Variants in CNTN3 observed in about 807,000 individuals in gnomAD.
CNTN3 encodes the protein contactin-3.
A neutral mutation model predicts 119.1 loss-of-function variants in CNTN3; 60 were observed. The observed-to-expected ratio is 0.50, with a 90% confidence interval of 0.41 to 0.62. The LOEUF is 0.62. Among genes scored for constraint, CNTN3 ranks in the 20% least tolerant of loss-of-function variants. The pLI, the probability that CNTN3 is intolerant of heterozygous loss-of-function variation, is 0.00. For synonymous variants in CNTN3, 450 were observed against 438.7 expected (o/e 1.03, Z -0.32); for missense variants, 1,101 against 1,242.4 (o/e 0.89, Z 1.71).
At position 74,594,450 on chromosome 3, in the gene CNTN3, C is replaced by T. The variant is rs552669134; in HGVS notation, c.-81+19941G>A. ...TAATGCTATCCCTCCCCTCTCCCCC[C>T]ACCCCACAACACTCCCCAGAGTGTG... On this transcript the variant is annotated intron_variant, in intron 1 of 22. Coordinates refer to ENST00000263665, the MANE Select transcript of CNTN3 (RefSeq NM_020872.3). Among the ~76,000 whole-genome samples, 384 of 151,924 alleles carry T rather than the reference C, an allele frequency of 2.5e-3. 1 individual carries two copies. The highest frequency in any genetic ancestry group is 8.8e-3 in the African/African-American group (364 of 41,408).
chr3:74,396,296 G>C (rs954356244), intron 5 of CNTN3, among the ~76,000 whole-genome samples: 8 of 152,178 alleles, frequency 5.3e-5, no homozygotes, highest in Non-Finnish European at 8.8e-5. Context: ...ACTAAGTAGT[G>C]AATGCAGAAG....
intron 1 of CNTN3, among the ~76,000 whole-genome samples, chr3:74,575,137 C>T (rs954982383): frequency 6.6e-6 from 1 of 151,994 alleles, no homozygotes; most frequent in Admixed American, 6.6e-5. Flanking sequence ...GTTGCCCAAG[C>T]TGGTCTTGAA....
Position 74,383,348 on chromosome 3 carries a change from C to T in CNTN3, c.455-11949G>A, listed in dbSNP as rs140757982. On this transcript the variant is annotated intron_variant, in intron 5 of 22. Coordinates refer to ENST00000263665, the MANE Select transcript of CNTN3 (RefSeq NM_020872.3). Reference sequence around the variant, plus strand: ...AGCACACCATTTTAAGTAATAGATGCGTGTTGAATGGGTCAATAAAGGTAA... The same window carrying T: ...AGCACACCATTTTAAGTAATAGATGTGTGTTGAATGGGTCAATAAAGGTAA... 4.1e-3 allele frequency among the ~76,000 whole-genome samples: 617 copies of T among 152,114 alleles called. 3 individuals are homozygous for T. The highest frequency in any genetic ancestry group is 6.5e-3 in the Non-Finnish European group (440 of 68,000).
chr3:74,430,430 T>TA (rs1701764128), intron 4 of CNTN3, among the ~76,000 whole-genome samples: 1 of 152,142 alleles, frequency 6.6e-6, no homozygotes, highest in East Asian at 1.9e-4. Flanking sequence ...TGTAAAACTT[T>TA]AAAAAATTCA....
At chr3:74,502,614 C>G (rs1039463436) in intron 2 of CNTN3, among the ~76,000 whole-genome samples, 4 of 152,136 alleles carry the variant, frequency 2.6e-5, no homozygotes, top group Non-Finnish European at 5.9e-5. Context: ...TCTCTGAGGT[C>G]CAGCCACACT....
chr3:74,321,136 G>T (rs1702978443), intron 13 of CNTN3, among the ~76,000 whole-genome samples: 1 of 152,066 alleles, frequency 6.6e-6, no homozygotes, highest in Non-Finnish European at 1.5e-5. Flanking sequence ...ATACAAGAGG[G>T]AGGAGGACTG....
At chr3:74,451,235 G>A (rs144679709) in intron 4 of CNTN3, among the ~76,000 whole-genome samples, 2,734 of 152,174 alleles carry the variant, frequency 0.018, 78 homozygotes, top group African/African-American at 0.06. Flanking sequence ...ATCCCATTGC[G>A]GTTTTGATTT....
chr3:74,314,495 A>G lies in CNTN3; in HGVS notation c.1669-11688T>C, dbSNP rs544487278. On this transcript the variant is annotated intron_variant, in intron 13 of 22. Transcript: ENST00000263665. ...ATGATTGTACTAATCAAAAGACAGC[A>G]GGAGTAGCTATATTAATTTCAAATA... Among the ~76,000 whole-genome samples the G allele has an allele frequency of 2.0e-5, 3 of 152,338 alleles. No individual in the cohort carries two copies. In the East Asian group the frequency reaches 5.8e-4, roughly 29 times the overall value.
At chr3:74,371,031 AT>A in intron 6 of CNTN3, among the ~76,000 whole-genome samples, 164 bp downstream of exon 6, 1 of 152,312 alleles carries the variant, frequency 6.6e-6, no homozygotes, top group South Asian at 2.1e-4. Flanking sequence ...CATAAGGACT[AT>A]GAGTTATCAA....
At chr3:74,594,688 G>T (rs1258279493) in intron 1 of CNTN3, among the ~76,000 whole-genome samples, 2,558 of 151,292 alleles carry the variant, frequency 0.017, 69 homozygotes, top group African/African-American at 0.058. Context: ...TCTTAATCCA[G>T]TCTATCATTG....
At chr3:74,599,478 G>C (rs1704872417) in intron 1 of CNTN3, among the ~76,000 whole-genome samples, 1 of 152,046 alleles carries the variant, frequency 6.6e-6, no homozygotes, top group African/African-American at 2.4e-5. Context: ...GGGGGCCAGG[G>C]ATAGTTTGGA....
At chr3:74,560,223 C>G (rs148833294) in intron 1 of CNTN3, among the ~76,000 whole-genome samples, 2 of 152,234 alleles carry the variant, frequency 1.3e-5, no homozygotes, top group African/African-American at 4.8e-5. Flanking sequence ...ATAACAATGG[C>G]ACACACCTCT....
chr3:74,566,846 T>C (rs1704233070), intron 1 of CNTN3, among the ~76,000 whole-genome samples: 1 of 152,176 alleles, frequency 6.6e-6, no homozygotes. Context: ...AGCTGTGGCA[T>C]TCCATACAGG....
chr3:74,346,685 T>C (rs547532437), intron 11 of CNTN3, among the ~76,000 whole-genome samples: 3 of 152,120 alleles, frequency 2.0e-5, no homozygotes, highest in Admixed American at 1.3e-4. Context: ...AATCTGTATT[T>C]TCCACAGAAG....
At chr3:74,480,225 T>C (rs555059710) in intron 4 of CNTN3, among the ~76,000 whole-genome samples, 83 of 152,080 alleles carry the variant, frequency 5.5e-4, no homozygotes, top group Non-Finnish European at 9.1e-4. Flanking sequence ...AGGCCAAAAT[T>C]TGTATCCTCT....
chr3:74,430,211 G>A (rs1701760549), intron 4 of CNTN3, among the ~76,000 whole-genome samples: 1 of 152,144 alleles, frequency 6.6e-6, no homozygotes, highest in African/African-American at 2.4e-5. Context: ...AGAGTTTTAT[G>A]TCTAACAGCC....
chr3:74,372,328 T>C (rs1229008013), intron 5 of CNTN3, among the ~76,000 whole-genome samples: 1 of 152,142 alleles, frequency 6.6e-6, no homozygotes, highest in African/African-American at 2.4e-5. Context: ...AAGTACAGTA[T>C]GAGAGTTTTC....
At position 74,614,470 on chromosome 3, in the gene CNTN3, C is replaced by T. The variant is rs1162247809; in HGVS notation, c.-160G>A. ...CCGCCGCCGCCGCCGCCGCCACCGC[C>T]GCCGCCGCAGTTAGTCCGGGCCCGG... On this transcript the variant is annotated 5_prime_UTR_variant, in exon 1 of 23. Coordinates refer to ENST00000263665, the MANE Select transcript of CNTN3 (RefSeq NM_020872.3). Among the ~76,000 whole-genome samples the T allele has an allele frequency of 1.4e-5, 2 of 145,204 alleles. No individual in the cohort carries two copies. Among genetic ancestry groups the T allele is most frequent in the Non-Finnish European group, 3.0e-5 (2 of 65,832 alleles).
At chr3:74,544,860 A>G (rs1703892363) in intron 1 of CNTN3, among the ~76,000 whole-genome samples, 1 of 152,092 alleles carries the variant, frequency 6.6e-6, no homozygotes, top group Non-Finnish European at 1.5e-5. Flanking sequence ...AGCCTCCCAA[A>G]GTGCTGGGAT....
Sources: allele counts gnomAD v4.1 joint callset (sites outside exome capture counted in the v4.1 genomes callset), GRCh38; gene constraint gnomAD v4.1.1; transcripts MANE v1.5; gene names NCBI Gene and HGNC (gene_info 2026-07-23, HGNC 2026-07-21).